LMOD1: variants seen among roughly 807,000 people sequenced by gnomAD.
LMOD1 encodes leiomodin 1.
A neutral mutation model predicts 36.5 loss-of-function variants in LMOD1; 8 were observed. The observed-to-expected ratio is 0.22, with a 90% CI of 0.13 to 0.40. LMOD1 has a LOEUF of 0.40. LMOD1 is among the 10% of genes least tolerant of loss of function. LMOD1 has a pLI of 1.00. For synonymous variants in LMOD1, 284 were observed against 288.7 expected, an observed-to-expected ratio of 0.98 and a Z score of 0.17; for missense variants, 630 against 751.1, an observed-to-expected ratio of 0.84 and a Z score of 1.88.
intron 1 of LMOD1, among the ~76,000 whole-genome samples, chr1:201,914,143 T>C (rs1442406926): frequency 6.6e-6 from 1 of 152,102 alleles, no homozygotes; most frequent in Non-Finnish European, 1.5e-5. Flanking sequence ...TCAACCCCAG[T>C]CACACGTGCC....
At chr1:201,901,226 C>T (rs570966530) in intron 1 of LMOD1, among the ~76,000 whole-genome samples, 11 of 151,926 alleles carry the variant, frequency 7.2e-5, no homozygotes, top group Middle Eastern at 3.4e-3. Context: ...ACATGAAGTC[C>T]GGGCGCGGTG....
chr1:201,920,637 G>C (rs1234490327), intron 1 of LMOD1, among the ~76,000 whole-genome samples: 1 of 152,160 alleles, frequency 6.6e-6, no homozygotes, highest in Non-Finnish European at 1.5e-5. Context: ...GAAAAGCCAA[G>C]ACCTACTGGG....
chr1:201,908,446 C>T (rs559449197), intron 1 of LMOD1, among the ~76,000 whole-genome samples: 1 of 152,298 alleles, frequency 6.6e-6, no homozygotes. Context: ...GTTAACATCT[C>T]TGGAAACATA....
intron 1 of LMOD1, among the ~76,000 whole-genome samples, chr1:201,901,509 A>AT (rs1432486250): frequency 1.1e-5 from 1 of 88,776 alleles, no homozygotes; most frequent in African/African-American, 5.4e-5. Flanking sequence ...TCTCAAAAAA[A>AT]AAATATATAT....
rs748248277 is a variant in LMOD1 at position 201,900,574 on chromosome 1, C to T, written c.439G>A (p.Glu147Lys). The T allele has an allele frequency of 1.4e-5, 22 of 1,613,738 alleles. No homozygotes were observed. The highest frequency in any genetic ancestry group is 2.7e-5 in the African/African-American group (2 of 74,890). Residue 147 changes from glutamate to lysine, a missense_variant, in exon 2 of 3, where the codon GAG becomes AAG. Transcript: ENST00000367288. Reference sequence around the variant, plus strand: ...ATGATCTTCTCCTCCTTGGGCTTCTCGCCACTCTTGCCACCAGCTTCATCT... The same window carrying T: ...ATGATCTTCTCCTCCTTGGGCTTCTTGCCACTCTTGCCACCAGCTTCATCT... ...DRDEAGGKSG[E>K]KPKEEKIIRG...
Position 201,898,269 on chromosome 1 carries a change from C to G in LMOD1, c.*103G>C, listed in dbSNP as rs1681225681. On this transcript the variant is annotated 3_prime_UTR_variant, in exon 3 of 3. Coordinates refer to ENST00000367288, the MANE Select transcript of LMOD1 (RefSeq NM_012134.3). ...TCTCCCATGGCAGAATAGGGACATC[C>G]ACAGCAGGTCAGCCAGGGATGGGGT... The G allele has an allele frequency of 8.3e-7, 1 of 1,197,644 alleles. No individual in the cohort carries two copies. Among genetic ancestry groups the G allele is most frequent in the Admixed American group, 2.0e-5 (1 of 51,114 alleles). The allele number at this position is 1,197,644 out of a possible 1,614,324, so 74.2% of individuals were successfully genotyped here.
chr1:201,923,060 G>C (rs535157165), intron 1 of LMOD1, among the ~76,000 whole-genome samples: 3 of 152,242 alleles, frequency 2.0e-5, no homozygotes, highest in East Asian at 3.9e-4. Context: ...CTTGACCTCA[G>C]GTGATCCACC....
chr1:201,943,607 C>T (rs1178995000), intron 1 of LMOD1, among the ~76,000 whole-genome samples: 1 of 152,192 alleles, frequency 6.6e-6, no homozygotes, highest in Non-Finnish European at 1.5e-5. Context: ...TTGCACAGCC[C>T]TCAGGAAACT....
At chr1:201,901,477 A>T (rs1160564818) in intron 1 of LMOD1, among the ~76,000 whole-genome samples, 3 of 141,390 alleles carry the variant, frequency 2.1e-5, no homozygotes, top group African/African-American at 7.9e-5. Context: ...ACTCCAGCCT[A>T]AGCAACAAGA....
chr1:201,911,235 C>A (rs930932124), intron 1 of LMOD1, among the ~76,000 whole-genome samples: 1 of 152,102 alleles, frequency 6.6e-6, no homozygotes, highest in Non-Finnish European at 1.5e-5. Context: ...AATGTCACCC[C>A]GGAAGTTTCT....
At chr1:201,924,323 C>CAA (rs758572161) in intron 1 of LMOD1, among the ~76,000 whole-genome samples, 1 of 40,136 alleles carries the variant, frequency 2.5e-5, no homozygotes, top group African/African-American at 9.0e-5. Context: ...GACTCTGTCT[C>CAA]AAAAAAAAAA....
chr1:201,933,618 T>C (rs1462870386), intron 1 of LMOD1, among the ~76,000 whole-genome samples: 28 of 95,734 alleles, frequency 2.9e-4, no homozygotes, highest in African/African-American at 7.3e-4. Context: ...TATATATATA[T>C]ATATATGGCA....
At chr1:201,917,527 A>G (rs1681631892) in intron 1 of LMOD1, among the ~76,000 whole-genome samples, 4 of 152,190 alleles carry the variant, frequency 2.6e-5, no homozygotes. Flanking sequence ...ATGAAGGGTC[A>G]ACTCCATTGC....
At chr1:201,910,684 G>A (rs1681480209) in intron 1 of LMOD1, among the ~76,000 whole-genome samples, 1 of 149,866 alleles carries the variant, frequency 6.7e-6, no homozygotes, top group Non-Finnish European at 1.5e-5. Flanking sequence ...TGTGCTCAGG[G>A]GGAGTTACAG....
intron 1 of LMOD1, among the ~76,000 whole-genome samples, chr1:201,904,444 A>G (rs1244498468): frequency 6.6e-6 from 1 of 152,180 alleles, no homozygotes; most frequent in Non-Finnish European, 1.5e-5. Context: ...TCCTGACCTC[A>G]GGTGATCCAC....
chr1:201,905,433 G>A (rs1392553838), intron 1 of LMOD1, among the ~76,000 whole-genome samples: 1 of 152,238 alleles, frequency 6.6e-6, no homozygotes, highest in Non-Finnish European at 1.5e-5. Flanking sequence ...TGGCCCTTCT[G>A]ATGCTGCTTT....
chr1:201,928,748 C>A (rs1681869685), intron 1 of LMOD1, among the ~76,000 whole-genome samples: 1 of 152,176 alleles, frequency 6.6e-6, no homozygotes, highest in Non-Finnish European at 1.5e-5. Context: ...CAGAGTCTCC[C>A]TCTGTTGCCC....
chr1:201,922,237 C>A (rs1400281399), intron 1 of LMOD1, among the ~76,000 whole-genome samples: 2 of 152,138 alleles, frequency 1.3e-5, no homozygotes, highest in Admixed American at 6.5e-5. Flanking sequence ...TTGCATGCCT[C>A]AATACAGACC....
At chr1:201,921,322 T>C (rs1009244121) in intron 1 of LMOD1, among the ~76,000 whole-genome samples, 6 of 151,402 alleles carry the variant, frequency 4.0e-5, no homozygotes, top group Non-Finnish European at 5.9e-5. Context: ...ACCCCATCTC[T>C]ACTAAAAATA....
Sources: gnomAD v4.1 joint callset for allele counts (sites outside exome capture counted in the v4.1 genomes callset) on GRCh38, gnomAD v4.1.1 for gene constraint, MANE v1.5 for transcripts, NCBI Gene and HGNC (gene_info 2026-07-23, HGNC 2026-07-21) for gene names.